Variants in BMPR1A observed in about 807,000 individuals in gnomAD.
BMPR1A encodes the protein bone morphogenetic protein receptor type 1A.
In BMPR1A, 7 loss-of-function variants were observed where a neutral mutation model predicts 66.0. The ratio of observed to expected loss-of-function variants is 0.11; its 90% CI spans 0.06 to 0.20. The LOEUF is 0.20. Among genes scored for constraint, BMPR1A ranks in the 10% least tolerant of loss-of-function variants. The pLI, the probability that BMPR1A is intolerant of heterozygous loss-of-function variation, is 1.00. For missense variants in BMPR1A, 408 were observed against 669.1 expected (o/e 0.61, Z 4.31); for synonymous variants, 200 against 229.7 (o/e 0.87, Z 1.17).
chr10:86,917,715 TC>T (rs950355454), intron 9 of BMPR1A, among the ~76,000 whole-genome samples: 8 of 152,286 alleles, frequency 5.3e-5, no homozygotes, highest in African/African-American at 1.7e-4. Context: ...AATGTGTGTT[TC>T]CCCCCATCTC....
rs771614164 is a variant in BMPR1A, at chr10:86,844,775, T to TTTTATTTA, written c.-153+5809_-153+5816dup. Among the ~76,000 whole-genome samples the TTTTATTTA allele has an allele frequency of 6.6e-5, 10 of 152,270 alleles. No homozygotes were observed. In the East Asian group the frequency reaches 1.3e-3, roughly 21 times the overall value. On this transcript the variant is annotated intron_variant, in intron 2 of 12. Coordinates refer to ENST00000372037, the MANE Select transcript of BMPR1A (RefSeq NM_004329.3). Reference sequence around the variant, plus strand: ...TCAGGCTTTGTGTTGAACTATTATTTTTTATTTATTTATTTATTTAGATGG... The same window carrying TTTTATTTA: ...TCAGGCTTTGTGTTGAACTATTATTTTTTATTTATTTATTTATTTATTTATTTAGATGG...
chr10:86,921,923 A>T (rs1483075322), intron 11 of BMPR1A, among the ~76,000 whole-genome samples: 4 of 152,312 alleles, frequency 2.6e-5, no homozygotes, highest in African/African-American at 9.6e-5. Flanking sequence ...CCAACCAGTT[A>T]TACTCCTTGA....
intron 7 of BMPR1A, among the ~76,000 whole-genome samples, chr10:86,900,516 A>C (rs1843294282): frequency 6.6e-6 from 1 of 152,150 alleles, no homozygotes. Context: ...AGTTGCCAAA[A>C]AAGAAGAGTA....
At chr10:86,778,702 C>T (rs1175967351) in intron 1 of BMPR1A, among the ~76,000 whole-genome samples, 1 of 152,200 alleles carries the variant, frequency 6.6e-6, no homozygotes, top group East Asian at 1.9e-4. Flanking sequence ...TTTATTCCTC[C>T]TGTCTTGCTG....
At chr10:86,786,550 CA>C (rs1242200232) in intron 1 of BMPR1A, among the ~76,000 whole-genome samples, 1 of 152,190 alleles carries the variant, frequency 6.6e-6, no homozygotes, top group African/African-American at 2.4e-5. Flanking sequence ...GGATAGCATA[CA>C]AAGAAATTCC....
At chr10:86,790,451 A>G (rs1269033293) in intron 1 of BMPR1A, among the ~76,000 whole-genome samples, 1 of 151,800 alleles carries the variant, frequency 6.6e-6, no homozygotes, top group African/African-American at 2.4e-5. Flanking sequence ...CCACTCCTAG[A>G]TATATATCCA....
intron 3 of BMPR1A, 93 bp from the exon 4 acceptor site, chr10:86,889,969 A>T: frequency 7.3e-7 from 1 of 1,361,344 alleles, no homozygotes; most frequent in Non-Finnish European, 1.0e-6. Context: ...TATTGTGATA[A>T]GAAAGCTTAA....
At chr10:86,791,823 C>T (rs1456796472) in intron 1 of BMPR1A, among the ~76,000 whole-genome samples, 1 of 148,730 alleles carries the variant, frequency 6.7e-6, no homozygotes, top group Non-Finnish European at 1.5e-5. Flanking sequence ...TGGGTTCAAG[C>T]ATTTCTCCCA....
intron 2 of BMPR1A, among the ~76,000 whole-genome samples, chr10:86,862,725 G>A (rs1208041336): frequency 4.6e-5 from 7 of 152,012 alleles, no homozygotes; most frequent in African/African-American, 7.3e-5. Context: ...GAAGGAAAGA[G>A]GGAGTTGTCA....
At chr10:86,762,809 T>C (rs1841090203) in intron 1 of BMPR1A, among the ~76,000 whole-genome samples, 1 of 152,180 alleles carries the variant, frequency 6.6e-6, no homozygotes, top group African/African-American at 2.4e-5. Flanking sequence ...ATGCGGGTAC[T>C]TTGGAAGGCT....
intron 2 of BMPR1A, among the ~76,000 whole-genome samples, chr10:86,840,263 A>G (rs1016997443): frequency 1.3e-5 from 2 of 152,206 alleles, no homozygotes; most frequent in Non-Finnish European, 1.5e-5. Flanking sequence ...TACTTGCAGC[A>G]TTCACTCGCC....
intron 2 of BMPR1A, among the ~76,000 whole-genome samples, chr10:86,875,357 A>C (rs932967392): frequency 2.6e-5 from 4 of 151,182 alleles, no homozygotes; most frequent in African/African-American, 9.8e-5. Context: ...TGGGCGACCG[A>C]GCAAAACTCT....
chr10:86,810,956 G>C (rs1353323774), intron 1 of BMPR1A, among the ~76,000 whole-genome samples: 1 of 152,034 alleles, frequency 6.6e-6, no homozygotes, highest in African/African-American at 2.4e-5. Context: ...CATGTTGGTC[G>C]GGCGGGTCTT....
intron 8 of BMPR1A, among the ~76,000 whole-genome samples, chr10:86,914,722 A>G (rs548080117): frequency 1.3e-5 from 2 of 152,288 alleles, no homozygotes; most frequent in Admixed American, 6.5e-5. Flanking sequence ...GGTGCCAAAG[A>G]TGTAGATCAA....
At position 86,917,921 on chromosome 10, in the gene BMPR1A, G is replaced by C. The variant is rs1843602087; in HGVS notation, c.868+595G>C. ...TGCTGTATCAATTACCACAAACTGG[G>C]TGGCTTCAACCTCCAAAACGTATTC... On this transcript the variant is annotated intron_variant, in intron 9 of 12. Coordinates refer to ENST00000372037, the MANE Select transcript of BMPR1A (RefSeq NM_004329.3). Among the ~76,000 whole-genome samples the C allele has an allele frequency of 3.3e-5, 5 of 152,250 alleles. No individual in the cohort carries two copies. The South Asian group carries it at 1.0e-3, about 32-fold the overall frequency.
intron 5 of BMPR1A, among the ~76,000 whole-genome samples, chr10:86,896,165 G>GAAAAAA (rs35504090): frequency 9.6e-6 from 1 of 103,778 alleles, no homozygotes. Flanking sequence ...AAAAAGAAAA[G>GAAAAAA]AAAAAAAAAA....
intron 2 of BMPR1A, among the ~76,000 whole-genome samples, chr10:86,857,513 AAGAATTC>A (rs1158317655): frequency 1.3e-5 from 2 of 152,244 alleles, no homozygotes; most frequent in East Asian, 3.8e-4. Context: ...CCTAATTTAC[AAGAATTC>A]AGGAGTAGCC....
chr10:86,808,493 C>T (rs1341281699), intron 1 of BMPR1A, among the ~76,000 whole-genome samples: 1 of 152,042 alleles, frequency 6.6e-6, no homozygotes, highest in Non-Finnish European at 1.5e-5. Context: ...GAGCTTTGGT[C>T]CATTCAACTT....
At chr10:86,922,471 C>A (rs998321778) in intron 11 of BMPR1A, among the ~76,000 whole-genome samples, 4 of 152,146 alleles carry the variant, frequency 2.6e-5, no homozygotes, top group African/African-American at 7.2e-5. Context: ...ACGTCAGAGT[C>A]CCCAAGACCA....
Sources: gnomAD v4.1 joint callset for allele counts (sites outside exome capture counted in the v4.1 genomes callset) on GRCh38, gnomAD v4.1.1 for gene constraint, MANE v1.5 for transcripts, NCBI Gene and HGNC (gene_info 2026-07-23, HGNC 2026-07-21) for gene names.